ANK3: variants seen among roughly 807,000 people sequenced by gnomAD.
ANK3 encodes the protein ankyrin-3.
A neutral mutation model predicts 370.9 loss-of-function variants in ANK3; 57 were observed. The observed-to-expected ratio is 0.15, with a 90% CI of 0.12 to 0.19. The LOEUF (loss-of-function observed/expected upper bound fraction) is 0.19, where lower values mean the gene tolerates loss of function less well. Ranked by LOEUF, ANK3 falls within the 10% of genes least tolerant of loss-of-function variation. The pLI, the probability that ANK3 is intolerant of heterozygous loss-of-function variation, is 1.00. For synonymous variants in ANK3, 1,929 were observed against 1,946.3 expected (o/e 0.99, Z 0.23); for missense variants, 4,439 against 5,302.1 (o/e 0.84, Z 5.06).
intron 1 of ANK3, among the ~76,000 whole-genome samples, chr10:60,329,918 G>A (rs1414398352): frequency 1.3e-5 from 2 of 152,088 alleles, no homozygotes; most frequent in Non-Finnish European, 2.9e-5. Context: ...AAACAGCATG[G>A]TACTGGTACC....
chr10:60,325,730 C>T (rs1384399464), intron 1 of ANK3, among the ~76,000 whole-genome samples: 1 of 152,148 alleles, frequency 6.6e-6, no homozygotes, highest in Non-Finnish European at 1.5e-5. Context: ...GGCAATTCCT[C>T]AAAGACCTAA....
intron 2 of ANK3, among the ~76,000 whole-genome samples, chr10:60,471,959 T>A (rs2065230420): frequency 6.6e-6 from 1 of 151,992 alleles, no homozygotes; most frequent in African/African-American, 2.4e-5. Flanking sequence ...ATAATAATAT[T>A]AATATTTGAT....
chr10:60,354,859 A>T (rs2057476338), intron 1 of ANK3, among the ~76,000 whole-genome samples: 1 of 152,022 alleles, frequency 6.6e-6, no homozygotes, highest in Non-Finnish European at 1.5e-5. Flanking sequence ...AATATAAGAA[A>T]AATTTTCTTT....
intron 2 of ANK3, among the ~76,000 whole-genome samples, chr10:60,526,380 G>T (rs1234015403): frequency 6.6e-6 from 1 of 152,032 alleles, no homozygotes; most frequent in African/African-American, 2.4e-5. Context: ...CTCAGCTGAG[G>T]CGATTATAAA....
At chr10:60,526,701 A>G (rs1214315925) in intron 2 of ANK3, among the ~76,000 whole-genome samples, 1 of 152,176 alleles carries the variant, frequency 6.6e-6, no homozygotes, top group Non-Finnish European at 1.5e-5. Flanking sequence ...ATGTCAATGC[A>G]GTGGAAAAGA....
chr10:60,482,028 T>C (rs1421335324), intron 2 of ANK3, among the ~76,000 whole-genome samples: 19 of 152,188 alleles, frequency 1.2e-4, no homozygotes, highest in Admixed American at 1.2e-3. Flanking sequence ...AGATTAGAGT[T>C]CCTGGCACTG....
chr10:60,053,168 A>G (rs2078433705), intron 42 of ANK3, among the ~76,000 whole-genome samples: 2 of 152,230 alleles, frequency 1.3e-5, no homozygotes, highest in Non-Finnish European at 2.9e-5. Flanking sequence ...AGTATTGTGG[A>G]AGGAAGCTTT....
At chr10:60,348,347 C>CAAAAAAAA (rs35147179) in intron 1 of ANK3, among the ~76,000 whole-genome samples, 4 of 68,160 alleles carry the variant, frequency 5.9e-5, no homozygotes, top group Non-Finnish European at 7.9e-5. Flanking sequence ...TATCACTAGC[C>CAAAAAAAA]AAAAAAAAAA....
intron 4 of ANK3, among the ~76,000 whole-genome samples, chr10:60,271,774 A>G (rs2097990553): frequency 6.6e-6 from 1 of 151,894 alleles, no homozygotes; most frequent in African/African-American, 2.4e-5. Context: ...TTAGAAAGTA[A>G]GTTAAAAAGA....
chr10:60,167,657 T>G (rs539145199), intron 21 of ANK3, among the ~76,000 whole-genome samples: 73 of 126,922 alleles, frequency 5.8e-4, no homozygotes, highest in South Asian at 2.0e-3. Context: ...TAAAAGTGAG[T>G]TTTTTTTTTG....
At chr10:60,670,255 C>T (rs2079049463) in intron 1 of ANK3, among the ~76,000 whole-genome samples, 1 of 152,108 alleles carries the variant, frequency 6.6e-6, no homozygotes, top group South Asian at 2.1e-4. Flanking sequence ...CCTAACATGC[C>T]TAAAATCGAC....
chr10:60,400,009 AGTGTGTGTGT>A lies in ANK3; in HGVS notation c.97-120380_97-120371del, dbSNP rs60224309. On this transcript the variant is annotated intron_variant, in intron 2 of 43. Coordinates refer to the ANK3 transcript ENST00000373827. ...AAATATAAATCAAAACCTCCAATAC[AGTGTGTGTGT>A]GTGTGTGTGTGTGTGTGTGTGTGTG... is the stretch of plus-strand genomic sequence containing the variant. 4.0e-3 allele frequency among the ~76,000 whole-genome samples: 580 copies of A among 145,978 alleles called. 3 individuals carry two copies. Among genetic ancestry groups the A allele is most frequent in the South Asian group, 8.7e-3 (39 of 4,490 alleles).
At position 60,215,146 on chromosome 10, in the gene ANK3, C is replaced by T. The variant is rs138194833; in HGVS notation, c.898-1636G>A. On this transcript the variant is annotated intron_variant, in intron 8 of 43. Transcript: ENST00000280772. ...AACTTTTTTTCATATGCTTCTTGGC[C>T]GCATAAATGTCTTCTTTTGAGAAGT... 7.7e-3 allele frequency among the ~76,000 whole-genome samples: 1,167 copies of T among 152,124 alleles called. 17 individuals are homozygous for T. Among genetic ancestry groups the T allele is most frequent in the African/African-American group, 0.026 (1,091 of 41,494 alleles).
intron 1 of ANK3, among the ~76,000 whole-genome samples, chr10:60,358,099 TACACACACACACACACACACAAACACAC>T (rs1231873059): frequency 1.6e-5 from 2 of 121,534 alleles, no homozygotes; most frequent in African/African-American, 2.8e-5. Context: ...TGCATATGTA[TACACACACACACACACACACAAACACAC>T]ACACACACAC....
rs188993593 is a variant in ANK3, at chr10:60,413,654, C to A, written c.97-134015G>T. Among the ~76,000 whole-genome samples, 96 of 152,156 alleles carry A rather than the reference C, an allele frequency of 6.3e-4. 1 individual carries two copies. The highest frequency in any genetic ancestry group is 2.2e-3 in the African/African-American group (93 of 41,500). On this transcript the variant is annotated intron_variant, in intron 2 of 43. Transcript: ENST00000373827. ...ATTTTACCCCAGAAAAAAAGGGACT[C>A]GAAATGTTCTATTCAGAATCATGCA...
intron 1 of ANK3, among the ~76,000 whole-genome samples, chr10:60,309,787 A>G (rs1453547711): frequency 2.0e-5 from 3 of 152,204 alleles, no homozygotes; most frequent in Non-Finnish European, 4.4e-5. Flanking sequence ...ACAAACAAAA[A>G]CAAAGGTAAG....
chr10:60,215,194 C>T (rs1381213721), intron 8 of ANK3, among the ~76,000 whole-genome samples: 1 of 151,982 alleles, frequency 6.6e-6, no homozygotes, highest in Non-Finnish European at 1.5e-5. Flanking sequence ...TCTTTGCCTG[C>T]TTTTTGATGG....
chr10:60,336,090 C>CT (rs537711980), intron 1 of ANK3, among the ~76,000 whole-genome samples: 45 of 148,800 alleles, frequency 3.0e-4, no homozygotes, highest in African/African-American at 1.1e-3. Flanking sequence ...CATAGTTTGG[C>CT]GGGGGGGGGA....
In ANK3 at chr10:60,365,717, G is replaced by A. The variant is rs149487102; in HGVS notation, c.114+23708C>T. Among the ~76,000 whole-genome samples, 60 of 152,124 alleles carry A rather than the reference G, an allele frequency of 3.9e-4. No homozygotes were observed. In the South Asian group the frequency reaches 7.3e-3, roughly 18 times the overall value. ...TTTTCCAATGATCCCCTTGAGAGACGGATTATTGTTGTCTCTATCTTATAC... is the reference window on the plus strand; with the variant it reads ...TTTTCCAATGATCCCCTTGAGAGACAGATTATTGTTGTCTCTATCTTATAC... On this transcript the variant is annotated intron_variant, in intron 1 of 43. Coordinates refer to ENST00000280772, the MANE Select transcript of ANK3 (RefSeq NM_020987.5).
Sources: gnomAD v4.1 joint callset for allele counts (sites outside exome capture counted in the v4.1 genomes callset) on GRCh38, gnomAD v4.1.1 for gene constraint, MANE v1.5 for transcripts, NCBI Gene and HGNC (gene_info 2026-07-23, HGNC 2026-07-21) for gene names.